ADGRG1: variants seen among roughly 807,000 people sequenced by gnomAD.
The protein encoded by ADGRG1 is 7-transmembrane protein with no EGF-like N-terminal domains-1.
Under a neutral mutation model 73.5 loss-of-function variants are expected in ADGRG1, and 53 were observed. That is an observed-to-expected ratio of 0.72 (90% CI 0.58 to 0.91). The LOEUF (loss-of-function observed/expected upper bound fraction) is 0.91. Among genes scored for constraint, ADGRG1 ranks in the 40% least tolerant of loss-of-function variants. The pLI is 0.00. For synonymous variants in ADGRG1, 394 were observed against 374.4 expected, an observed-to-expected ratio of 1.05 and a Z score of -0.60; for missense variants, 795 against 871.8, an observed-to-expected ratio of 0.91 and a Z score of 1.11.
At chr16:57,627,000 C>A (rs1357582075), upstream of ADGRG1, 1 of 985,106 alleles carries the variant, frequency 1.0e-6, no homozygotes, top group Non-Finnish European at 1.2e-6. Context: ...TGGGCCCAGT[C>A]CCCACTGTGC....
At chr16:57,625,883 C>T (rs1470009725), upstream of ADGRG1, among the ~76,000 whole-genome samples, 1 of 152,224 alleles carries the variant, frequency 6.6e-6, no homozygotes, top group African/African-American at 2.4e-5. Flanking sequence ...TCAGCCAATG[C>T]TGTTCCCTCT....
At chr16:57,659,041 C>T (rs571421645) in intron 10 of ADGRG1, 1 of 985,266 alleles carries the variant, frequency 1.0e-6, no homozygotes, top group African/African-American at 1.7e-5. Context: ...CACAGTTGTG[C>T]AGACAGACGG....
chr16:57,644,519 C>CA (rs1388349734), intron 1 of ADGRG1, among the ~76,000 whole-genome samples: 1 of 149,314 alleles, frequency 6.7e-6, no homozygotes, highest in East Asian at 2.0e-4. Context: ...TGGGCACACA[C>CA]ACTCATCACA....
chr16:57,628,458 G>C, upstream of ADGRG1: 1 of 948,718 alleles, frequency 1.1e-6, no homozygotes. Flanking sequence ...GCATCCCCCA[G>C]GATCACTGCC....
intron 1 of ADGRG1, chr16:57,641,639 C>T (rs1457511476): frequency 1.3e-6 from 1 of 772,408 alleles, no homozygotes; most frequent in African/African-American, 2.0e-5. Flanking sequence ...GATCTTGGCT[C>T]ATCGTAACCT....
intron 1 of ADGRG1, chr16:57,645,430 C>A: frequency 1.6e-6 from 1 of 637,306 alleles, no homozygotes; most frequent in Non-Finnish European, 2.0e-6. Flanking sequence ...AAGCCCCTTC[C>A]AGGGCCCCGC....
Position 57,621,950 on chromosome 16 carries a change from G to T in ADGRG1, c.-154+555G>T, listed in dbSNP as rs981578993. ...CCTCTTCTGCTGCCCTCTCCACTGG[G>T]GGAATTTGGATTTTAAAAGAGAACC... On this transcript the variant is annotated intron_variant, in intron 2 of 4. Coordinates refer to the ADGRG1 transcript ENST00000561833. 71 of 837,558 alleles carry T rather than the reference G, an allele frequency of 8.5e-5. No individual in the cohort carries two copies. The African/African-American group carries it at 1.2e-3, about 14-fold the overall frequency. 51.9% of individuals were successfully genotyped at this position (837,558 alleles called of 1,614,324 possible).
intron 1 of ADGRG1, chr16:57,646,948 T>C (rs8059267): frequency 0.41 from 400,182 of 984,278 alleles, 82,642 homozygotes; most frequent in African/African-American, 0.52. Context: ...CCGTGGTTGG[T>C]ACTGAGCGCC....
chr16:57,632,105 G>A, intron 1 of ADGRG1: 1 of 985,472 alleles, frequency 1.0e-6, no homozygotes, highest in East Asian at 1.1e-4. Flanking sequence ...CCACTTTTCA[G>A]ATGAGGACAT....
intron 3 of ADGRG1, 69 bp downstream of exon 3, chr16:57,651,691 G>T: frequency 6.5e-7 from 1 of 1,540,398 alleles, no homozygotes; most frequent in Admixed American, 1.9e-5. Flanking sequence ...AAAATGCAAA[G>T]TGGACTGGGC....
At position 57,635,037 on chromosome 16, in the gene ADGRG1, G is replaced by A. The variant is rs746409154; in HGVS notation, c.-36+6235G>A. On this transcript the variant is annotated intron_variant, in intron 1 of 13. Transcript: ENST00000562631. ...CTGGATGGGAGGGAGCAGAGGGGGA[G>A]AGGGACCCAGCTGAAGAGGACTGGA... is the stretch of plus-strand genomic sequence containing the variant. 5.5e-4 allele frequency: 540 copies of A among 985,240 alleles called. 1 individual carries two copies. Among genetic ancestry groups the A allele is most frequent in the Non-Finnish European group, 6.4e-4 (533 of 829,894 alleles). The allele number at this position is 985,240 out of a possible 1,614,324, so 61.0% of individuals were successfully genotyped here.
chr16:57,651,774 G>A (rs1406353522), intron 3 of ADGRG1, 152 bp downstream of exon 3: 36 of 1,505,780 alleles, frequency 2.4e-5, no homozygotes, highest in Non-Finnish European at 2.9e-5. Context: ...TCTGAGGAGG[G>A]GAGGAGTGTA....
intron 3 of ADGRG1, chr16:57,652,164 G>T: frequency 5.0e-6 from 5 of 1,005,596 alleles, no homozygotes; most frequent in Non-Finnish European, 6.0e-6. Flanking sequence ...GAGGTCAAAG[G>T]TCAGGAAAGC....
chr16:57,624,818 G>C (rs993482573), upstream of ADGRG1: 13 of 494,538 alleles, frequency 2.6e-5, no homozygotes, highest in South Asian at 1.0e-3. Context: ...TCCTTTGCAG[G>C]CCCCTCTGAA....
Position 57,645,594 on chromosome 16 carries a change from T to A in ADGRG1, c.-35-4659T>A, listed in dbSNP as rs539416710. Among the ~76,000 whole-genome samples, 3 of 152,300 alleles carry A rather than the reference T, an allele frequency of 2.0e-5. No individual in the cohort carries two copies. In the South Asian group the frequency reaches 6.2e-4, roughly 32 times the overall value. On this transcript the variant is annotated intron_variant, in intron 1 of 13. Transcript: ENST00000562631. ...CCAGTCCCTCCCCTCTCTGACCATCTCTAAACCAGGGCTGCTGGTGCCTTT... is the reference window on the plus strand; with the variant it reads ...CCAGTCCCTCCCCTCTCTGACCATCACTAAACCAGGGCTGCTGGTGCCTTT...
intron 1 of ADGRG1, chr16:57,644,009 A>T (rs537311940): frequency 2.8e-5 from 28 of 985,112 alleles, no homozygotes; most frequent in African/African-American, 1.7e-4. Flanking sequence ...TACTTTTATT[A>T]AAAAAGTTTG....
At chr16:57,660,418 C>T in intron 11 of ADGRG1, 1 of 979,514 alleles carries the variant, frequency 1.0e-6, no homozygotes, top group Non-Finnish European at 1.2e-6. Context: ...TGCAGACGTC[C>T]CCTGATGGCA....
chr16:57,628,632 A>T lies in ADGRG1; in HGVS notation c.-206A>T. The T allele has an allele frequency of 1.0e-6, 1 of 985,462 alleles. No individual in the cohort carries two copies. 61.0% of individuals were successfully genotyped at this position (985,462 alleles called of 1,614,324 possible). A position where few individuals can be genotyped will look rare whatever the true frequency, so the allele number is the denominator to read the frequency against. On this transcript the variant is annotated 5_prime_UTR_variant, in exon 1 of 14. Coordinates refer to ENST00000562631, the MANE Select transcript of ADGRG1 (RefSeq NM_201525.4). The stretch of plus-strand genomic sequence containing the variant: ...ACAAACCCGGTCCCTCCCTCTCCGC[A>T]CTAGCTGTCTGCCCTGCCCTGCCGT...
At chr16:57,643,949 AG>A (rs776669146) in intron 1 of ADGRG1, 6 of 984,616 alleles carry the variant, frequency 6.1e-6, no homozygotes, top group Non-Finnish European at 7.2e-6. Context: ...TGGGTCTGAC[AG>A]GGGTGTCTAC....
Sources: allele counts gnomAD v4.1 joint callset (sites outside exome capture counted in the v4.1 genomes callset), GRCh38; gene constraint gnomAD v4.1.1; transcripts MANE v1.5; gene names NCBI Gene and HGNC (gene_info 2026-07-23, HGNC 2026-07-21).